The following RBM39 variants were observed in gnomAD, a reference collection of about 807,000 sequenced individuals.
The protein encoded by RBM39 is RNA-binding protein 39.
RBM39 carries 12 observed loss-of-function variants against 79.6 expected under a neutral mutation model. The observed-to-expected ratio is 0.15, with a 90% CI of 0.10 to 0.24. The LOEUF (loss-of-function observed/expected upper bound fraction) is 0.24, where lower values mean the gene tolerates loss of function less well. RBM39 is among the 10% of genes least tolerant of loss of function. The pLI is 1.00. For synonymous variants in RBM39, 185 were observed against 208.4 expected, an observed-to-expected ratio of 0.89 and a Z score of 0.97; for missense variants, 243 against 653.4, an observed-to-expected ratio of 0.37 and a Z score of 6.85.
chr20:35,721,996 A>G (rs1462808876), intron 8 of RBM39, 119 bp from the exon 9 acceptor site: 1 of 1,142,614 alleles, frequency 8.8e-7, no homozygotes, highest in Non-Finnish European at 1.2e-6. Context: ...ACCCTACGTA[A>G]GTCAGATACT....
rs186834901 is a variant in RBM39 at position 35,732,480 on chromosome 20, C to A, written c.102-345G>T. 1.2e-4 allele frequency: 27 copies of A among 230,658 alleles called. No individual in the cohort carries two copies. The East Asian group carries it at 2.6e-3, about 22-fold the overall frequency. 14.3% of individuals were successfully genotyped at this position (230,658 alleles called of 1,614,324 possible). On this transcript the variant is annotated intron_variant, in intron 3 of 16. Transcript: ENST00000253363. ...CTAAGGCAGGAGAATTGCTCAAACC[C>A]GGGAAGCGGAGGTTGCAGTGAGCCA... is the stretch of plus-strand genomic sequence containing the variant.
rs1345286225 is a variant in RBM39 at position 35,704,272 on chromosome 20, G to C, written c.*209C>G. ...GAACATTTTAAAAGGCAGAACAAGA[G>C]AACAGTTTTGTATACAGTGGGATTT... On this transcript the variant is annotated 3_prime_UTR_variant, in exon 17 of 17. Coordinates refer to ENST00000253363, the MANE Select transcript of RBM39 (RefSeq NM_184234.3). The C allele has an allele frequency of 2.2e-5, 9 of 403,982 alleles. No individual in the cohort carries two copies. 25.0% of individuals were successfully genotyped at this position (403,982 alleles called of 1,614,324 possible). A position where few individuals can be genotyped will look rare whatever the true frequency, so the allele number is the denominator to read the frequency against.
intron 3 of RBM39, among the ~76,000 whole-genome samples, chr20:35,733,350 G>A (rs973820533): frequency 1.3e-5 from 2 of 149,388 alleles, no homozygotes; most frequent in Non-Finnish European, 1.5e-5. Context: ...GCTCACACCT[G>A]TAATCTCAGC....
chr20:35,736,674 C>T (rs190961007), intron 3 of RBM39: 80 of 445,240 alleles, frequency 1.8e-4, no homozygotes, highest in Non-Finnish European at 3.1e-4. Context: ...TTGTTTGAGA[C>T]GGAGTCTCGC....
chr20:35,707,050 A>AAAAT (rs1568985925), intron 14 of RBM39, 70 bp downstream of exon 14: 4 of 700,964 alleles, frequency 5.7e-6, no homozygotes, highest in African/African-American at 2.0e-5. Flanking sequence ...AAAAAAAAAA[A>AAAAT]AGAGAAATAT....
intron 9 of RBM39, among the ~76,000 whole-genome samples, chr20:35,717,018 G>A (rs775662918): frequency 2.6e-5 from 4 of 151,812 alleles, no homozygotes; most frequent in East Asian, 1.9e-4. Flanking sequence ...GGTGGTCGGC[G>A]CCTGTAATCC....
At position 35,734,268 on chromosome 20, in the gene RBM39, A is replaced by G. The variant is rs2039680192; in HGVS notation, c.102-2133T>C. The G allele has an allele frequency of 3.9e-6, 5 of 1,290,620 alleles. No homozygotes were observed. In the South Asian group the frequency reaches 6.2e-5, roughly 16 times the overall value. The allele number at this position is 1,290,620 out of a possible 1,614,324, so 79.9% of individuals were successfully genotyped here. On this transcript the variant is annotated intron_variant, in intron 3 of 16. Transcript: ENST00000253363. ...AGGCAGAAAGTTTGTCTAAAATTTC[A>G]AGATAATCCACCTGACTGTCAGAAA...
At chr20:35,714,085 AT>A in intron 11 of RBM39, 99 bp downstream of exon 11, 1 of 1,224,216 alleles carries the variant, frequency 8.2e-7, no homozygotes, top group Non-Finnish European at 1.2e-6. Flanking sequence ...CAACTACAAA[AT>A]AAGATAAAAT....
chr20:35,736,518 A>G (rs1249437271), intron 3 of RBM39: 8 of 465,676 alleles, frequency 1.7e-5, no homozygotes, highest in Non-Finnish European at 2.7e-5. Flanking sequence ...CCTACCTAAC[A>G]CAGTTGTAGT....
At position 35,713,317 on chromosome 20, in the gene RBM39, CT is replaced by C. The variant is rs202093615; in HGVS notation, c.1097-222del. 9.0e-3 allele frequency: 3,302 copies of C among 365,982 alleles called. 1 individual carries two copies. Among genetic ancestry groups the C allele is most frequent in the South Asian group, 0.016 (400 of 25,388 alleles). 22.7% of individuals were successfully genotyped at this position (365,982 alleles called of 1,614,324 possible). A position where few individuals can be genotyped will look rare whatever the true frequency, so the allele number is the denominator to read the frequency against. On this transcript the variant is annotated intron_variant, in intron 11 of 16. Coordinates refer to ENST00000253363, the MANE Select transcript of RBM39 (RefSeq NM_184234.3). ...ACCTGGGCAACAATTGTGAAACTCT[CT>C]TTTTTTTTTGAGATGGAGTATCGCT...
At chr20:35,727,927 G>C (rs962094230) in intron 6 of RBM39, among the ~76,000 whole-genome samples, 1 of 152,020 alleles carries the variant, frequency 6.6e-6, no homozygotes, top group African/African-American at 2.4e-5. Flanking sequence ...GGGATTACAG[G>C]CGTGAGCCAC....
At chr20:35,704,642 C>T in intron 16 of RBM39, 26 bp downstream of exon 16, 1 of 1,611,710 alleles carries the variant, frequency 6.2e-7, no homozygotes, top group Non-Finnish European at 8.5e-7. Flanking sequence ...TAATAACAAT[C>T]AGTCAAAAAA....
intron 2 of RBM39, chr20:35,740,322 A>G (rs1441763538): frequency 3.3e-6 from 1 of 306,184 alleles, no homozygotes; most frequent in African/African-American, 2.2e-5. Flanking sequence ...CATAAATTTT[A>G]AAATCTCACC....
intron 11 of RBM39, 150 bp from the exon 12 acceptor site, chr20:35,713,246 G>A (rs528608378): frequency 1.8e-6 from 1 of 555,424 alleles, no homozygotes; most frequent in East Asian, 3.1e-5. Flanking sequence ...TAGCACTCTG[G>A]GAGGCCAAGG....
intron 9 of RBM39, among the ~76,000 whole-genome samples, chr20:35,719,036 G>C (rs2037553078): frequency 6.6e-6 from 1 of 152,066 alleles, no homozygotes; most frequent in Admixed American, 6.6e-5. Flanking sequence ...ATGTTTACTG[G>C]AGTTGGGCAC....
In RBM39 at chr20:35,713,106, AAT is replaced by A. The variant is rs1362407159; in HGVS notation, c.1097-12_1097-11del. ...ATCTGCAAACCTGTACCTGTAAAAG[AAT>A]AGTCTTAAAGTTCCTACTATGTTGA... On this transcript the variant is annotated splice_polypyrimidine_tract_variant and intron_variant, in intron 11 of 16. Coordinates refer to ENST00000253363, the MANE Select transcript of RBM39 (RefSeq NM_184234.3). The A allele has an allele frequency of 6.2e-7, 1 of 1,611,096 alleles. No individual in the cohort carries two copies. Among genetic ancestry groups the A allele is most frequent in the African/African-American group, 1.3e-5 (1 of 74,766 alleles).
At chr20:35,725,597 C>T (rs1245325721) in intron 6 of RBM39, among the ~76,000 whole-genome samples, 1 of 151,736 alleles carries the variant, frequency 6.6e-6, no homozygotes, top group East Asian at 1.9e-4. Context: ...AATTCTCAAA[C>T]ATGTTCAGTA....
intron 10 of RBM39, among the ~76,000 whole-genome samples, chr20:35,714,939 C>T (rs543526373): frequency 1.3e-5 from 2 of 152,014 alleles, no homozygotes; most frequent in South Asian, 4.1e-4. Context: ...AATATCCACA[C>T]TAAAGTTACT....
In RBM39 at chr20:35,702,149, T is replaced by C. The variant is rs1000885499; in HGVS notation, c.*2332A>G. ...CAGACCCTGGAGTTACTAACCCGCA[T>C]TGCCCATTAAGCATTTCTTAAACAG... is the stretch of plus-strand genomic sequence containing the variant. On this transcript the variant is annotated 3_prime_UTR_variant, in exon 17 of 17. Coordinates refer to ENST00000253363, the MANE Select transcript of RBM39 (RefSeq NM_184234.3). 1 of 152,238 alleles carries C rather than the reference T, an allele frequency of 6.6e-6. No individual in the cohort carries two copies. The highest frequency in any genetic ancestry group is 1.5e-5 in the Non-Finnish European group (1 of 68,042). 9.4% of individuals were successfully genotyped at this position (152,238 alleles called of 1,614,324 possible).
Sources: allele counts gnomAD v4.1 joint callset (sites outside exome capture counted in the v4.1 genomes callset), GRCh38; gene constraint gnomAD v4.1.1; transcripts MANE v1.5; gene names NCBI Gene and HGNC (gene_info 2026-07-23, HGNC 2026-07-21).